The following SND1 variants were observed in gnomAD, a reference collection of about 807,000 sequenced individuals.
The protein encoded by SND1 is staphylococcal nuclease and tudor domain containing 1, also known as staphylococcal nuclease domain-containing protein 1.
A neutral mutation model predicts 121.7 loss-of-function variants in SND1; 38 were observed. That is an observed-to-expected ratio of 0.31 (90% CI 0.24 to 0.41). The LOEUF is 0.41. Among genes scored for constraint, SND1 ranks in the 10% least tolerant of loss-of-function variants. The probability of loss-of-function intolerance (pLI) is 1.00; values close to 1 mark genes in which losing one functional copy is unlikely to be tolerated. For synonymous variants in SND1, 401 were observed against 447.4 expected, an observed-to-expected ratio of 0.90 and a Z score of 1.31; for missense variants, 868 against 1,184.6, an observed-to-expected ratio of 0.73 and a Z score of 3.92.
chr7:127,700,802 C>CT lies in SND1; in HGVS notation c.429-360dup, dbSNP rs60006677. On this transcript the variant is annotated intron_variant, in intron 4 of 23. Coordinates refer to ENST00000354725, the MANE Select transcript of SND1 (RefSeq NM_014390.4). Reference sequence around the variant, plus strand: ...GCTTCTCTGCACTACCGAGCTGTGCCTGGGATTCCAGTTCCTGAATCCGGG... The same window carrying CT: ...GCTTCTCTGCACTACCGAGCTGTGCCTTGGGATTCCAGTTCCTGAATCCGGG... Among the ~76,000 whole-genome samples, 461 of 152,180 alleles carry CT rather than the reference C, an allele frequency of 3.0e-3. 4 individuals are homozygous for CT. Among genetic ancestry groups the CT allele is most frequent in the African/African-American group, 9.8e-3 (408 of 41,526 alleles).
chr7:127,841,216 GAGA>G (rs1798959306), intron 11 of SND1, among the ~76,000 whole-genome samples: 1 of 152,084 alleles, frequency 6.6e-6, no homozygotes, highest in South Asian at 2.1e-4. Context: ...TCTGCCTACT[GAGA>G]AGGAGATTTG....
intron 16 of SND1, among the ~76,000 whole-genome samples, chr7:128,055,843 C>T (rs901686205): frequency 6.6e-6 from 1 of 152,148 alleles, no homozygotes; most frequent in Non-Finnish European, 1.5e-5. Flanking sequence ...ACTCGCTGGG[C>T]CAGAGCCTCT....
At chr7:127,708,590 TCCCCGCCC>T (rs1383906381) in intron 9 of SND1, among the ~76,000 whole-genome samples, 2 of 152,074 alleles carry the variant, frequency 1.3e-5, no homozygotes, top group Non-Finnish European at 2.9e-5. Context: ...AGCTCTTGGT[TCCCCGCCC>T]CACCGCCCCG....
At chr7:127,802,319 C>T (rs1213261015) in intron 10 of SND1, among the ~76,000 whole-genome samples, 4 of 152,142 alleles carry the variant, frequency 2.6e-5, no homozygotes, top group African/African-American at 9.7e-5. Flanking sequence ...TTGCTGTCCT[C>T]AGGTTTTTTC....
At chr7:127,727,132 G>C (rs929981649) in intron 10 of SND1, among the ~76,000 whole-genome samples, 13 of 152,276 alleles carry the variant, frequency 8.5e-5, no homozygotes, top group African/African-American at 3.1e-4. Context: ...CAAATATTCA[G>C]ACCCGGGTGC....
At chr7:128,091,380 C>A (rs781142285) in intron 22 of SND1, among the ~76,000 whole-genome samples, 16 of 151,312 alleles carry the variant, frequency 1.1e-4, no homozygotes, top group Non-Finnish European at 2.2e-4. Context: ...GGCCACCATG[C>A]CTGGCTAATT....
chr7:128,028,574 T>G, intron 16 of SND1: 1 of 1,088,252 alleles, frequency 9.2e-7, no homozygotes, highest in Non-Finnish European at 1.3e-6. Flanking sequence ...CCCATAGACT[T>G]AATATATAAG....
chr7:127,670,023 GTC>G (rs1332518420), intron 1 of SND1, among the ~76,000 whole-genome samples: 3 of 149,254 alleles, frequency 2.0e-5, no homozygotes, highest in African/African-American at 7.4e-5. Flanking sequence ...TTGAGACAGA[GTC>G]TCTCACCCAG....
intron 15 of SND1, among the ~76,000 whole-genome samples, chr7:127,931,293 T>C (rs531576079): frequency 1.3e-5 from 2 of 152,310 alleles, no homozygotes; most frequent in Middle Eastern, 3.4e-3. Flanking sequence ...GTGGTCTGGA[T>C]AGAAGATCAA....
rs139515891 is a variant in SND1 at position 128,089,776 on chromosome 7, A to G, written c.2622+84A>G. ...CTGTTCCACAAGCCAGGAAGGGAGC[A>G]GGGAATCCACCATCCTGCTGTTCCT... On this transcript the variant is annotated intron_variant, in intron 22 of 23. Transcript: ENST00000354725. The G allele has an allele frequency of 1.1e-3, 1,346 of 1,246,954 alleles. 17 individuals carry two copies. The South Asian group carries it at 0.014, about 13-fold the overall frequency. The allele number at this position is 1,246,954 out of a possible 1,614,324, so 77.2% of individuals were successfully genotyped here.
At chr7:127,669,546 C>A (rs2116258580) in intron 1 of SND1, among the ~76,000 whole-genome samples, 1 of 152,290 alleles carries the variant, frequency 6.6e-6, no homozygotes, top group South Asian at 2.1e-4. Context: ...TGCTTGGTGT[C>A]CGAGCAAATT....
At chr7:127,854,117 T>G (rs2116667118) in intron 12 of SND1, among the ~76,000 whole-genome samples, 1 of 152,244 alleles carries the variant, frequency 6.6e-6, no homozygotes, top group Middle Eastern at 3.4e-3. Context: ...GCTTTGTTCG[T>G]TTTTTGTTCT....
intron 11 of SND1, among the ~76,000 whole-genome samples, chr7:127,839,978 C>T (rs1470155170): frequency 1.3e-5 from 2 of 152,196 alleles, no homozygotes; most frequent in African/African-American, 4.8e-5. Flanking sequence ...CCTCAGGATG[C>T]CCTGCCTTCC....
At chr7:127,705,980 A>T (rs1487247482) in intron 8 of SND1, among the ~76,000 whole-genome samples, 2 of 152,204 alleles carry the variant, frequency 1.3e-5, no homozygotes, top group African/African-American at 4.8e-5. Flanking sequence ...AGGTTTTTAT[A>T]AAAGTAGATA....
intron 16 of SND1, among the ~76,000 whole-genome samples, chr7:128,017,647 A>G (rs1202623580): frequency 6.6e-6 from 1 of 152,234 alleles, no homozygotes; most frequent in Non-Finnish European, 1.5e-5. Flanking sequence ...TCACACCAGC[A>G]GAGGGAAGCC....
At chr7:127,754,086 AAGAT>A (rs1185385145) in intron 10 of SND1, among the ~76,000 whole-genome samples, 1 of 152,222 alleles carries the variant, frequency 6.6e-6, no homozygotes, top group Non-Finnish European at 1.5e-5. Flanking sequence ...GAAGCAGAGA[AAGAT>A]AGAACAGATA....
chr7:127,857,834 G>C lies in SND1; in HGVS notation c.1343+13410G>C, dbSNP rs896972321. 9 of 964,144 alleles carry C rather than the reference G, an allele frequency of 9.3e-6. No homozygotes were observed. The African/African-American group carries it at 1.3e-4, about 14-fold the overall frequency. 59.7% of individuals were successfully genotyped at this position (964,144 alleles called of 1,614,324 possible). A position where few individuals can be genotyped will look rare whatever the true frequency, so the allele number is the denominator to read the frequency against. ...AGGAAAGAAGGGCCCACCAAACTAGGTCCCCAGCAGTCTCAGGTGTAGAGG... is the reference window on the plus strand; with the variant it reads ...AGGAAAGAAGGGCCCACCAAACTAGCTCCCCAGCAGTCTCAGGTGTAGAGG... On this transcript the variant is annotated intron_variant, in intron 12 of 23. Coordinates refer to ENST00000354725, the MANE Select transcript of SND1 (RefSeq NM_014390.4).
At chr7:127,753,506 A>G (rs1797139406) in intron 10 of SND1, among the ~76,000 whole-genome samples, 1 of 151,892 alleles carries the variant, frequency 6.6e-6, no homozygotes, top group South Asian at 2.1e-4. Context: ...CAAAGATGAA[A>G]TGCCAGTCCC....
chr7:127,956,695 T>C (rs1458668226), intron 15 of SND1, among the ~76,000 whole-genome samples: 1 of 152,180 alleles, frequency 6.6e-6, no homozygotes, highest in East Asian at 1.9e-4. Context: ...CATTATCTCT[T>C]AGTTATCCCA....
Sources: allele counts gnomAD v4.1 joint callset (sites outside exome capture counted in the v4.1 genomes callset), GRCh38; gene constraint gnomAD v4.1.1; transcripts MANE v1.5; gene names NCBI Gene and HGNC (gene_info 2026-07-23, HGNC 2026-07-21).